Variants in PLCH1 observed in about 807,000 individuals in gnomAD.
The protein encoded by PLCH1 is phospholipase C eta 1, also known as 1-phosphatidylinositol 4,5-bisphosphate phosphodiesterase eta-1.
Under a neutral mutation model 126.7 loss-of-function variants are expected in PLCH1, and 60 were observed. The ratio of observed to expected loss-of-function variants is 0.47; its 90% CI spans 0.38 to 0.59. The LOEUF (loss-of-function observed/expected upper bound fraction) is 0.59, where lower values mean the gene tolerates loss of function less well. Ranked by LOEUF, PLCH1 falls within the 20% of genes least tolerant of loss-of-function variation. The probability of loss-of-function intolerance (pLI) is 0.00; values close to 1 mark genes in which losing one functional copy is unlikely to be tolerated. For synonymous variants in PLCH1, 719 were observed against 734.9 expected (o/e 0.98, Z 0.35); for missense variants, 1,723 against 2,040.0 (o/e 0.84, Z 2.99).
chr3:155,558,783 C>T (rs1407091196), intron 8 of PLCH1, among the ~76,000 whole-genome samples: 1 of 152,092 alleles, frequency 6.6e-6, no homozygotes, highest in Admixed American at 6.5e-5. Flanking sequence ...CTGACCATGG[C>T]TAACTGAAAC....
At chr3:155,472,566 T>C (rs1167620250) in intron 21 of PLCH1, among the ~76,000 whole-genome samples, 2 of 151,880 alleles carry the variant, frequency 1.3e-5, no homozygotes, top group African/African-American at 4.8e-5. Flanking sequence ...GAATCCTCCC[T>C]AACTCATTTT....
At chr3:155,591,236 C>T (rs1732126549) in intron 4 of PLCH1, among the ~76,000 whole-genome samples, 1 of 152,144 alleles carries the variant, frequency 6.6e-6, no homozygotes, top group Admixed American at 6.5e-5. Flanking sequence ...TCCCCATGGC[C>T]ACTGCTCTTC....
intron 1 of PLCH1, among the ~76,000 whole-genome samples, chr3:155,735,373 C>A (rs1749097824): frequency 6.7e-6 from 1 of 149,590 alleles, no homozygotes; most frequent in Admixed American, 6.6e-5. Context: ...GTGGCTCACG[C>A]CTGTAATCCC....
chr3:155,536,481 C>T (rs527835942), intron 10 of PLCH1, among the ~76,000 whole-genome samples: 2 of 152,220 alleles, frequency 1.3e-5, no homozygotes, highest in East Asian at 1.9e-4. Flanking sequence ...CAATACAAAA[C>T]AATCACAACT....
chr3:155,653,970 C>G (rs941004076), intron 2 of PLCH1, among the ~76,000 whole-genome samples: 10 of 151,440 alleles, frequency 6.6e-5, no homozygotes. Context: ...TTGTCTGTCT[C>G]CATTTCTTCC....
At position 155,512,397 on chromosome 3, in the gene PLCH1, C is replaced by T. The variant is rs569279419; in HGVS notation, c.1632+2326G>A. 2.0e-5 allele frequency among the ~76,000 whole-genome samples: 3 copies of T among 152,222 alleles called. No individual in the cohort carries two copies. In the South Asian group the frequency reaches 6.2e-4, roughly 32 times the overall value. ...CTCCCTACTGGGCTTGCAGTCTAAT[C>T]GTAGACACAAAAGATTACAACACAC... On this transcript the variant is annotated intron_variant, in intron 12 of 22. Coordinates refer to ENST00000460012, the MANE Select transcript of PLCH1 (RefSeq NM_014996.4).
chr3:155,490,202 T>C (rs1373532797), intron 19 of PLCH1, among the ~76,000 whole-genome samples: 2 of 152,152 alleles, frequency 1.3e-5, no homozygotes, highest in African/African-American at 2.4e-5. Context: ...ATAATGTTTG[T>C]GAAATGTATG....
At chr3:155,567,823 G>A (rs964400414) in intron 7 of PLCH1, among the ~76,000 whole-genome samples, 1 of 118,354 alleles carries the variant, frequency 8.4e-6, no homozygotes, top group African/African-American at 2.5e-5. Context: ...TACCAATTAG[G>A]AAATACAGTC....
chr3:155,514,237 C>T (rs767982792), intron 12 of PLCH1, among the ~76,000 whole-genome samples: 1 of 152,180 alleles, frequency 6.6e-6, no homozygotes. Flanking sequence ...AACAGCCTGG[C>T]AGTTGGATGG....
intron 2 of PLCH1, among the ~76,000 whole-genome samples, chr3:155,601,731 G>A (rs1384279098): frequency 6.6e-6 from 1 of 152,000 alleles, no homozygotes; most frequent in African/African-American, 2.4e-5. Flanking sequence ...TCATTGATAT[G>A]CAGTAAAATT....
At chr3:155,453,877 T>A (rs1712374622) in intron 21 of PLCH1, among the ~76,000 whole-genome samples, 1 of 151,836 alleles carries the variant, frequency 6.6e-6, no homozygotes. Flanking sequence ...AAAATAGAAA[T>A]TTCTCTCTAT....
intron 2 of PLCH1, among the ~76,000 whole-genome samples, chr3:155,629,924 T>C (rs1004032363): frequency 2.6e-5 from 4 of 152,258 alleles, no homozygotes; most frequent in Non-Finnish European, 5.9e-5. Context: ...ACTCCTTTTT[T>C]ATATTCAGGT....
intron 2 of PLCH1, among the ~76,000 whole-genome samples, chr3:155,693,545 A>G (rs1745573671): frequency 6.6e-6 from 1 of 152,070 alleles, no homozygotes; most frequent in South Asian, 2.1e-4. Flanking sequence ...TATTTTTCCC[A>G]TCTTTACTCT....
rs552923173 is a variant in PLCH1, at chr3:155,546,110, A to G, written c.1362+3677T>C. ...AGGAAGTCAAATGGTCCCTGTTTGC[A>G]GATGACATGTTTGTATATCTAGAAA... On this transcript the variant is annotated intron_variant, in intron 10 of 22. Coordinates refer to ENST00000460012, the MANE Select transcript of PLCH1 (RefSeq NM_014996.4). 2.5e-3 allele frequency among the ~76,000 whole-genome samples: 378 copies of G among 152,342 alleles called. 1 individual carries two copies. The highest frequency in any genetic ancestry group is 8.3e-3 in the African/African-American group (346 of 41,578).
Position 155,510,724 on chromosome 3 carries a change from C to T in PLCH1, c.1632+3999G>A, listed in dbSNP as rs937607238. Among the ~76,000 whole-genome samples the T allele has an allele frequency of 3.9e-5, 4 of 102,832 alleles. 1 individual carries two copies. Among genetic ancestry groups the T allele is most frequent in the Non-Finnish European group, 5.4e-5 (3 of 55,200 alleles). The allele number at this position is 102,832 out of a possible 152,430, so 67.5% of individuals were successfully genotyped here. ...CTTGTAGGGTTTCTGCCGAGAGATCCGCTGTTAGTCTGATGGGCTTTCGTT... is the reference window on the plus strand; with the variant it reads ...CTTGTAGGGTTTCTGCCGAGAGATCTGCTGTTAGTCTGATGGGCTTTCGTT... On this transcript the variant is annotated intron_variant, in intron 12 of 22. Transcript: ENST00000460012.
chr3:155,490,670 A>G, intron 19 of PLCH1, 114 bp downstream of exon 19: 2 of 621,574 alleles, frequency 3.2e-6, no homozygotes, highest in Admixed American at 2.8e-5. Context: ...ATAAACTCAG[A>G]TGGGAGTTAC....
chr3:155,635,292 G>A (rs954930383), intron 2 of PLCH1, among the ~76,000 whole-genome samples: 4 of 151,898 alleles, frequency 2.6e-5, no homozygotes, highest in Non-Finnish European at 5.9e-5. Context: ...ATACTCATAG[G>A]TACTTCTCAA....
At position 155,504,639 on chromosome 3, in the gene PLCH1, AG is replaced by A; in HGVS notation, c.1633-14del. On this transcript the variant is annotated splice_polypyrimidine_tract_variant and intron_variant, in intron 12 of 22. Coordinates refer to ENST00000460012, the MANE Select transcript of PLCH1 (RefSeq NM_014996.4). ...TTACATCTGGACTCTGAATAAATAA[AG>A]GCATAATATAACTATTTATCTTCTT... The A allele has an allele frequency of 6.5e-7, 1 of 1,545,752 alleles. No individual in the cohort carries two copies. The highest frequency in any genetic ancestry group is 1.4e-5 in the African/African-American group (1 of 73,776).
chr3:155,564,955 C>T lies in PLCH1; in HGVS notation c.1029G>A (p.Met343Ile), dbSNP rs1427475454. The T allele has an allele frequency of 2.5e-6, 4 of 1,613,908 alleles. No homozygotes were observed. In the South Asian group the frequency reaches 3.3e-5, roughly 13 times the overall value. The change falls in exon 8 of 23, where the codon ATG becomes ATA. Residue 343 changes from methionine to isoleucine, a missense_variant. Met to Ile is a conservative substitution (Grantham distance 10). Coordinates refer to ENST00000460012, the MANE Select transcript of PLCH1 (RefSeq NM_014996.4). ...AGCCCTCTTGCAGCACCCGTGCATA[C>T]ATATCCACTTTGGACTGAGAAAGGA... is the stretch of plus-strand genomic sequence containing the variant. ...DQLLSQSKVD[M>I]YARVLQEGCR...
Sources: allele counts gnomAD v4.1 joint callset (sites outside exome capture counted in the v4.1 genomes callset), GRCh38; gene constraint gnomAD v4.1.1; transcripts MANE v1.5; gene names NCBI Gene and HGNC (gene_info 2026-07-23, HGNC 2026-07-21).